The following GALNT17 variants were observed in gnomAD, a reference collection of about 807,000 sequenced individuals.
GALNT17 encodes polypeptide N-acetylgalactosaminyltransferase 17.
A neutral mutation model predicts 63.7 loss-of-function variants in GALNT17; 29 were observed. The observed-to-expected ratio is 0.46, with a 90% CI of 0.34 to 0.62. The LOEUF is 0.62. GALNT17 is among the 20% of genes least tolerant of loss of function. The pLI is 0.01. For synonymous variants in GALNT17, 305 were observed against 318.3 expected, an observed-to-expected ratio of 0.96 and a Z score of 0.45; for missense variants, 603 against 799.6, an observed-to-expected ratio of 0.75 and a Z score of 2.97.
In GALNT17 at chr7:71,166,493, G is replaced by A. The variant is rs572580896; in HGVS notation, c.238+33453G>A. On this transcript the variant is annotated intron_variant, in intron 1 of 10. Transcript: ENST00000333538. ...CAAAAGACTGTGCCTCGACTCATCCGTCGTGTCTTCCTGTCCCTGCCATCC... is the reference window on the plus strand; with the variant it reads ...CAAAAGACTGTGCCTCGACTCATCCATCGTGTCTTCCTGTCCCTGCCATCC... 5.5e-4 allele frequency among the ~76,000 whole-genome samples: 83 copies of A among 152,254 alleles called. 1 individual carries two copies. Among genetic ancestry groups the A allele is most frequent in the African/African-American group, 1.2e-3 (50 of 41,554 alleles).
chr7:71,187,501 A>G (rs749203679), intron 1 of GALNT17, among the ~76,000 whole-genome samples: 63 of 152,078 alleles, frequency 4.1e-4, no homozygotes, highest in Non-Finnish European at 8.2e-4. Context: ...TGTTCGTATC[A>G]TTGTTACTTT....
At chr7:71,557,091 C>T (rs1410904246) in intron 5 of GALNT17, among the ~76,000 whole-genome samples, 1 of 147,524 alleles carries the variant, frequency 6.8e-6, no homozygotes, top group Non-Finnish European at 1.5e-5. Context: ...TAGGGTCTCT[C>T]TATGTTGCCT....
rs1232006543 is a variant in GALNT17 at position 71,356,802 on chromosome 7, G to C, written c.422+21069G>C. Among the ~76,000 whole-genome samples, 5 of 152,066 alleles carry C rather than the reference G, an allele frequency of 3.3e-5. No individual in the cohort carries two copies. The East Asian group carries it at 9.7e-4, about 29-fold the overall frequency. On this transcript the variant is annotated intron_variant, in intron 2 of 10. Coordinates refer to ENST00000333538, the MANE Select transcript of GALNT17 (RefSeq NM_022479.3). Reference sequence around the variant, plus strand: ...AGTGAGCATATATATATATTTTTTAGATGGTGTCTCACTGTGTCACCCAGG... The same window carrying C: ...AGTGAGCATATATATATATTTTTTACATGGTGTCTCACTGTGTCACCCAGG...
chr7:71,387,096 A>T (rs1045154026), intron 2 of GALNT17, among the ~76,000 whole-genome samples: 1 of 151,730 alleles, frequency 6.6e-6, no homozygotes, highest in Non-Finnish European at 1.5e-5. Context: ...GTGTGTTATG[A>T]AGATTGCTCC....
At chr7:71,382,498 G>C (rs1315449406) in intron 2 of GALNT17, among the ~76,000 whole-genome samples, 3 of 152,202 alleles carry the variant, frequency 2.0e-5, no homozygotes, top group Non-Finnish European at 4.4e-5. Context: ...GATTATGACT[G>C]TTGAAGTCAA....
At chr7:71,159,976 G>T (rs1201618546) in intron 1 of GALNT17, among the ~76,000 whole-genome samples, 1 of 151,974 alleles carries the variant, frequency 6.6e-6, no homozygotes, top group African/African-American at 2.4e-5. Context: ...GTAGAGATGG[G>T]TCTTCATCAT....
At chr7:71,672,027 CAA>C (rs55777129) in intron 8 of GALNT17, among the ~76,000 whole-genome samples, 50 of 104,880 alleles carry the variant, frequency 4.8e-4, no homozygotes, top group East Asian at 3.4e-3. Flanking sequence ...GACTCTGTCT[CAA>C]AAAAAAAAAA....
chr7:71,212,101 T>G (rs575851956), intron 1 of GALNT17, among the ~76,000 whole-genome samples: 1 of 152,272 alleles, frequency 6.6e-6, no homozygotes, highest in African/African-American at 2.4e-5. Flanking sequence ...GCCCCTCCCA[T>G]CACAGGCCCA....
At position 71,276,259 on chromosome 7, in the gene GALNT17, G is replaced by A. The variant is rs148894638; in HGVS notation, c.239-59291G>A. On this transcript the variant is annotated intron_variant, in intron 1 of 10. Transcript: ENST00000333538. ...AGGGGTGGGGGTGGTCCATAAGAGTGAGTGTTCTGAGCTGAACATACAACT... is the reference window on the plus strand; with the variant it reads ...AGGGGTGGGGGTGGTCCATAAGAGTAAGTGTTCTGAGCTGAACATACAACT... 3.0e-4 allele frequency among the ~76,000 whole-genome samples: 45 copies of A among 152,268 alleles called. No homozygotes were observed. The East Asian group carries it at 8.5e-3, about 29-fold the overall frequency.
chr7:71,678,614 G>A (rs1393036772), intron 9 of GALNT17, among the ~76,000 whole-genome samples: 1 of 151,738 alleles, frequency 6.6e-6, no homozygotes, highest in African/African-American at 2.4e-5. Context: ...TGGCTAACAC[G>A]GTGAAACCGT....
At chr7:71,219,080 A>G (rs1789536391) in intron 1 of GALNT17, among the ~76,000 whole-genome samples, 1 of 152,184 alleles carries the variant, frequency 6.6e-6, no homozygotes, top group African/African-American at 2.4e-5. Flanking sequence ...TTGACCAGGT[A>G]CTACGTGACA....
intron 1 of GALNT17, among the ~76,000 whole-genome samples, chr7:71,167,510 A>T (rs1788464661): frequency 6.6e-6 from 1 of 152,080 alleles, no homozygotes. Flanking sequence ...TATCAGATAG[A>T]TGACTCACAA....
intron 6 of GALNT17, among the ~76,000 whole-genome samples, chr7:71,583,301 A>C (rs143718293): frequency 1.3e-4 from 20 of 152,228 alleles, no homozygotes; most frequent in African/African-American, 4.6e-4. Flanking sequence ...TCACCGTGTT[A>C]GCCAGGATGG....
At chr7:71,234,375 G>A (rs1789847274) in intron 1 of GALNT17, among the ~76,000 whole-genome samples, 1 of 151,936 alleles carries the variant, frequency 6.6e-6, no homozygotes, top group African/African-American at 2.4e-5. Flanking sequence ...TATTCTTGTG[G>A]CTCAGCCTCC....
chr7:71,331,586 C>T (rs1791808994), intron 1 of GALNT17, among the ~76,000 whole-genome samples: 1 of 152,058 alleles, frequency 6.6e-6, no homozygotes, highest in African/African-American at 2.4e-5. Context: ...TGTCACGCAC[C>T]TGTAATTTCA....
chr7:71,158,551 C>T lies in GALNT17; in HGVS notation c.238+25511C>T, dbSNP rs570548867. Reference sequence around the variant, plus strand: ...CTGGGATTACAGGTGCCTGCCACCACGCCTGGCTAATTTTTCTGTTTTTAT... The same window carrying T: ...CTGGGATTACAGGTGCCTGCCACCATGCCTGGCTAATTTTTCTGTTTTTAT... On this transcript the variant is annotated intron_variant, in intron 1 of 10. Coordinates refer to ENST00000333538, the MANE Select transcript of GALNT17 (RefSeq NM_022479.3). 2.7e-4 allele frequency among the ~76,000 whole-genome samples: 41 copies of T among 151,432 alleles called. 2 individuals carry two copies. The highest frequency in any genetic ancestry group is 7.3e-4 in the African/African-American group (30 of 40,966).
chr7:71,549,228 A>G (rs1468888462), intron 5 of GALNT17, among the ~76,000 whole-genome samples: 2 of 152,232 alleles, frequency 1.3e-5, no homozygotes, highest in Non-Finnish European at 2.9e-5. Flanking sequence ...TTTTAGACCT[A>G]TATGGCTTGA....
chr7:71,157,148 C>G (rs1165852974), intron 1 of GALNT17, among the ~76,000 whole-genome samples: 1 of 151,690 alleles, frequency 6.6e-6, no homozygotes, highest in African/African-American at 2.4e-5. Flanking sequence ...AAGTACTTTT[C>G]TAGTCATTTT....
intron 1 of GALNT17, among the ~76,000 whole-genome samples, chr7:71,275,962 A>G (rs890096891): frequency 6.6e-6 from 1 of 152,206 alleles, no homozygotes; most frequent in Non-Finnish European, 1.5e-5. Flanking sequence ...CTCCTTAGCT[A>G]CTTATACCCC....
Sources: gnomAD v4.1 joint callset for allele counts (sites outside exome capture counted in the v4.1 genomes callset) on GRCh38, gnomAD v4.1.1 for gene constraint, MANE v1.5 for transcripts, NCBI Gene and HGNC (gene_info 2026-07-23, HGNC 2026-07-21) for gene names.